The following ARHGEF28 variants were observed in gnomAD, a reference collection of about 807,000 sequenced individuals.
ARHGEF28 encodes the protein 190 kDa guanine nucleotide exchange factor.
A neutral mutation model predicts 206.6 loss-of-function variants in ARHGEF28; 152 were observed. That is an observed-to-expected ratio of 0.74 (90% CI 0.64 to 0.84). The LOEUF is 0.84. ARHGEF28 is among the 40% of genes least tolerant of loss of function. ARHGEF28 has a pLI of 0.00. For missense variants in ARHGEF28, 2,028 were observed against 2,073.2 expected, an observed-to-expected ratio of 0.98 and a Z score of 0.42; for synonymous variants, 763 against 776.4, an observed-to-expected ratio of 0.98 and a Z score of 0.29.
chr5:73,844,468 T>A (rs1423337084), intron 11 of ARHGEF28, among the ~76,000 whole-genome samples: 1 of 152,152 alleles, frequency 6.6e-6, no homozygotes, highest in Non-Finnish European at 1.5e-5. Flanking sequence ...GTTCAAAAAC[T>A]AATCTGTGTT....
At chr5:73,830,561 A>G (rs140048013) in intron 9 of ARHGEF28, among the ~76,000 whole-genome samples, 336 of 8,796 alleles carry the variant, frequency 0.038, 2 homozygotes, top group Non-Finnish European at 0.052. Context: ...TCAAAAAAAG[A>G]AAAAAAAAAA....
At chr5:73,902,120 T>C (rs1762305213) in intron 31 of ARHGEF28, 1 of 152,170 alleles carries the variant, frequency 6.6e-6, no homozygotes, top group African/African-American at 2.4e-5. Context: ...ACATATTATA[T>C]ACTTTTTGTG....
chr5:73,683,537 GTATTCCTTTTTAAGGCTGAA>G (rs1238080858), intron 1 of ARHGEF28, among the ~76,000 whole-genome samples: 1 of 152,038 alleles, frequency 6.6e-6, no homozygotes, highest in Non-Finnish European at 1.5e-5. Flanking sequence ...TGTTGGAATT[GTATTCCTTTTTAAGGCTGAA>G]TAACATTCCC....
intron 4 of ARHGEF28, among the ~76,000 whole-genome samples, chr5:73,766,412 C>G (rs1561388973): frequency 6.6e-6 from 1 of 152,142 alleles, no homozygotes; most frequent in African/African-American, 2.4e-5. Flanking sequence ...TTAAAAATAA[C>G]TTGTAAAACT....
chr5:73,878,772 TAG>T (rs1760709659), intron 22 of ARHGEF28, among the ~76,000 whole-genome samples: 1 of 151,402 alleles, frequency 6.6e-6, no homozygotes, highest in East Asian at 1.9e-4. Flanking sequence ...TTCTGGCTTG[TAG>T]AGTTTCTGCC....
At chr5:73,907,966 C>G (rs1762643616) in intron 33 of ARHGEF28, among the ~76,000 whole-genome samples, 1 of 152,070 alleles carries the variant, frequency 6.6e-6, no homozygotes, top group South Asian at 2.1e-4. Context: ...CCATACTGGT[C>G]CCTAAAGATT....
At chr5:73,705,718 G>A (rs145811052) in intron 2 of ARHGEF28, among the ~76,000 whole-genome samples, 14 of 152,318 alleles carry the variant, frequency 9.2e-5, no homozygotes, top group African/African-American at 3.1e-4. Context: ...CTTGCTGTGG[G>A]CTAAGGGAAA....
chr5:73,647,000 G>A lies in ARHGEF28; in HGVS notation c.-12+20678G>A, dbSNP rs528695562. Among the ~76,000 whole-genome samples the A allele has an allele frequency of 9.9e-5, 15 of 152,272 alleles. No homozygotes were observed. In the East Asian group the frequency reaches 2.9e-3, roughly 29 times the overall value. On this transcript the variant is annotated intron_variant, in intron 1 of 35. Coordinates refer to ENST00000513042, the MANE Select transcript of ARHGEF28 (RefSeq NM_001177693.2). ...GCCAGTAAGAACAGAGAAGGACATT[G>A]TGGTGGGCATACCCCTTCCTTTGAA... is the stretch of plus-strand genomic sequence containing the variant.
At chr5:73,685,113 G>A (rs1561332297) in intron 2 of ARHGEF28, among the ~76,000 whole-genome samples, 1 of 152,086 alleles carries the variant, frequency 6.6e-6, no homozygotes, top group East Asian at 1.9e-4. Context: ...TTTTAAGTGT[G>A]TAATTTCTGG....
intron 14 of ARHGEF28, among the ~76,000 whole-genome samples, chr5:73,853,902 G>A (rs1758856057): frequency 6.6e-6 from 1 of 152,128 alleles, no homozygotes; most frequent in Non-Finnish European, 1.5e-5. Context: ...TTGTCATTAG[G>A]AGAGAGATTT....
intron 1 of ARHGEF28, among the ~76,000 whole-genome samples, chr5:73,646,563 G>A (rs1372267075): frequency 6.6e-6 from 1 of 152,146 alleles, no homozygotes; most frequent in Non-Finnish European, 1.5e-5. Flanking sequence ...CATCATGTGG[G>A]TCCTTGGCTT....
chr5:73,928,184 C>T (rs936527575), intron 35 of ARHGEF28, among the ~76,000 whole-genome samples: 5 of 152,228 alleles, frequency 3.3e-5, no homozygotes, highest in Admixed American at 1.3e-4. Context: ...TTCGGGAGGC[C>T]GAGGCCAGCA....
intron 21 of ARHGEF28, among the ~76,000 whole-genome samples, chr5:73,871,986 A>G (rs2973552): frequency 0.24 from 36,933 of 152,112 alleles, 5,165 homozygotes; most frequent in Admixed American, 0.36. Flanking sequence ...CTAATCATCA[A>G]TTGATGGACA....
chr5:73,702,017 C>T (rs1372225619), intron 2 of ARHGEF28, among the ~76,000 whole-genome samples: 5 of 152,118 alleles, frequency 3.3e-5, no homozygotes, highest in African/African-American at 4.8e-5. Flanking sequence ...TTGGGATAAA[C>T]GTCCAGGAGT....
At chr5:73,653,739 C>T (rs1469757128) in intron 1 of ARHGEF28, among the ~76,000 whole-genome samples, 1 of 152,234 alleles carries the variant, frequency 6.6e-6, no homozygotes, top group African/African-American at 2.4e-5. Context: ...TCCATCAAAA[C>T]TAAGCACAAC....
intron 9 of ARHGEF28, among the ~76,000 whole-genome samples, chr5:73,801,100 A>G (rs1755100256): frequency 6.6e-6 from 1 of 152,378 alleles, no homozygotes; most frequent in East Asian, 1.9e-4. Context: ...AAGTGCTATT[A>G]TAAAGTAGCA....
chr5:73,776,401 C>T (rs1323013244), intron 5 of ARHGEF28, 115 bp from the exon 6 acceptor site: 1 of 910,412 alleles, frequency 1.1e-6, no homozygotes. Flanking sequence ...AGGTGACTTT[C>T]AAGGATCATT....
chr5:73,904,694 A>G (rs932810277), intron 33 of ARHGEF28: 11 of 387,202 alleles, frequency 2.8e-5, no homozygotes, highest in African/African-American at 1.8e-4. Context: ...CTCTTAGGTG[A>G]GTGTAGCATG....
At chr5:73,721,607 C>T (rs1749952338) in intron 2 of ARHGEF28, among the ~76,000 whole-genome samples, 1 of 151,964 alleles carries the variant, frequency 6.6e-6, no homozygotes, top group Admixed American at 6.6e-5. Flanking sequence ...GGGTCTCACT[C>T]TGTCCCCCAG....
Sources: gnomAD v4.1 joint callset for allele counts (sites outside exome capture counted in the v4.1 genomes callset) on GRCh38, gnomAD v4.1.1 for gene constraint, MANE v1.5 for transcripts, NCBI Gene and HGNC (gene_info 2026-07-23, HGNC 2026-07-21) for gene names.